Variants in ACYP2 observed in about 807,000 individuals in gnomAD.
The protein encoded by ACYP2 is acylphosphatase 2.
Under a neutral mutation model 11.2 loss-of-function variants are expected in ACYP2, and 12 were observed. The ratio of observed to expected loss-of-function variants is 1.08; its 90% CI spans 0.69 to 1.74. ACYP2 has a LOEUF of 1.74. Among genes scored for constraint, ACYP2 ranks in the 40% most tolerant of loss-of-function variants. ACYP2 has a pLI of 0.00. For missense variants in ACYP2, 134 were observed against 101.9 expected (o/e 1.31, Z -1.35); for synonymous variants, 43 against 32.2 (o/e 1.33, Z -1.13).
intron 2 of ACYP2, among the ~76,000 whole-genome samples, chr2:53,977,650 G>A (rs1347113703): frequency 4.0e-5 from 6 of 150,696 alleles, no homozygotes; most frequent in Admixed American, 4.0e-4. Flanking sequence ...CAGGAGAATC[G>A]CTTGAACCTG....
chr2:54,192,788 T>G (rs1684290339), intron 6 of ACYP2, among the ~76,000 whole-genome samples: 1 of 152,108 alleles, frequency 6.6e-6, no homozygotes, highest in South Asian at 2.1e-4. Context: ...AAACTTACAA[T>G]CATGGTGGAA....
intron 6 of ACYP2, among the ~76,000 whole-genome samples, chr2:54,167,961 C>G (rs1252170663): frequency 2.0e-5 from 3 of 152,194 alleles, no homozygotes; most frequent in Non-Finnish European, 4.4e-5. Context: ...TCATCCTGTT[C>G]TTGGGCCCAG....
intron 6 of ACYP2, among the ~76,000 whole-genome samples, chr2:54,162,306 C>A (rs758787737): frequency 6.6e-5 from 10 of 152,164 alleles, no homozygotes; most frequent in Non-Finnish European, 1.5e-4. Context: ...TATTTTTACC[C>A]CACTGTGTAC....
intron 6 of ACYP2, among the ~76,000 whole-genome samples, chr2:54,139,298 G>A (rs1462625439): frequency 6.6e-6 from 1 of 152,152 alleles, no homozygotes; most frequent in Non-Finnish European, 1.5e-5. Flanking sequence ...CAAAAAGATT[G>A]CCATCTCCTT....
intron 2 of ACYP2, among the ~76,000 whole-genome samples, chr2:53,988,919 T>C (rs1256192229): frequency 6.6e-6 from 1 of 151,692 alleles, no homozygotes; most frequent in Non-Finnish European, 1.5e-5. Flanking sequence ...CCTATTTTTA[T>C]TGCATTTTTA....
At chr2:54,119,703 G>A (rs369200849) in intron 4 of ACYP2, among the ~76,000 whole-genome samples, 3 of 152,228 alleles carry the variant, frequency 2.0e-5, no homozygotes, top group Admixed American at 6.5e-5. Context: ...ATGATGTGTT[G>A]TTAGTATAGG....
intron 2 of ACYP2, among the ~76,000 whole-genome samples, chr2:54,006,656 C>T: frequency 6.6e-6 from 1 of 152,178 alleles, no homozygotes; most frequent in South Asian, 2.1e-4. Flanking sequence ...TTTTCCCAGA[C>T]AGGGTCTTGC....
At chr2:54,174,779 T>C (rs1683367139) in intron 6 of ACYP2, among the ~76,000 whole-genome samples, 1 of 152,228 alleles carries the variant, frequency 6.6e-6, no homozygotes, top group Non-Finnish European at 1.5e-5. Context: ...TCTATTGAGA[T>C]AATCATGTGG....
intron 6 of ACYP2, among the ~76,000 whole-genome samples, chr2:54,265,581 A>C (rs1311502505): frequency 1.3e-5 from 2 of 152,214 alleles, no homozygotes; most frequent in African/African-American, 4.8e-5. Flanking sequence ...GGTGTGGCCT[A>C]TTATGACTTT....
intron 6 of ACYP2, among the ~76,000 whole-genome samples, chr2:54,145,943 C>T (rs561337540): frequency 2.6e-5 from 4 of 152,296 alleles, no homozygotes; most frequent in African/African-American, 4.8e-5. Context: ...TGTTGCTCTT[C>T]GCTGCTTTCC....
chr2:54,254,765 C>G, intron 6 of ACYP2: 1 of 706,824 alleles, frequency 1.4e-6, no homozygotes, highest in Non-Finnish European at 2.3e-6. Context: ...ACCAAGGTCT[C>G]AATCTTCAGG....
chr2:54,053,491 CTG>C (rs1164036248), intron 3 of ACYP2, among the ~76,000 whole-genome samples: 2 of 152,230 alleles, frequency 1.3e-5, no homozygotes, highest in Admixed American at 1.3e-4. Context: ...GACACAGACA[CTG>C]TGTGTTCCAG....
chr2:54,123,315 A>C (rs1484569609), intron 4 of ACYP2: 1 of 398,534 alleles, frequency 2.5e-6, no homozygotes, highest in Non-Finnish European at 4.4e-6. Flanking sequence ...GAGGATCTTC[A>C]CTGCAGTTGT....
intron 2 of ACYP2, among the ~76,000 whole-genome samples, chr2:53,978,749 A>G: frequency 6.6e-6 from 1 of 152,130 alleles, no homozygotes; most frequent in South Asian, 2.1e-4. Context: ...ACATGGCAAA[A>G]CCTTCTACCA....
At chr2:54,217,902 C>T (rs1042034318) in intron 6 of ACYP2, among the ~76,000 whole-genome samples, 1 of 152,136 alleles carries the variant, frequency 6.6e-6, no homozygotes, top group Non-Finnish European at 1.5e-5. Context: ...AAGTATGGCT[C>T]CACATCCAAC....
chr2:54,160,010 G>A (rs1057372076), intron 6 of ACYP2, among the ~76,000 whole-genome samples: 1 of 152,180 alleles, frequency 6.6e-6, no homozygotes, highest in African/African-American at 2.4e-5. Flanking sequence ...TAGCACGGCT[G>A]CTGTGAAAGG....
intron 2 of ACYP2, among the ~76,000 whole-genome samples, chr2:53,982,129 G>A (rs1006968405): frequency 2.6e-5 from 4 of 151,766 alleles, no homozygotes; most frequent in African/African-American, 4.8e-5. Flanking sequence ...CAAAGAGGAC[G>A]TACACTCTTT....
At chr2:54,139,275 G>A (rs1037483511) in intron 6 of ACYP2, among the ~76,000 whole-genome samples, 5 of 152,156 alleles carry the variant, frequency 3.3e-5, no homozygotes, top group Admixed American at 3.3e-4. Flanking sequence ...AGTTCTTAGG[G>A]TAGCGTTCCA....
At position 54,285,566 on chromosome 2, in the gene ACYP2, A is replaced by G. The variant is rs77905050; in HGVS notation, c.405-19122A>G. On this transcript the variant is annotated intron_variant, in intron 6 of 6. Coordinates refer to ENST00000607452, the MANE Select transcript of ACYP2 (RefSeq NM_001320586.2). ...GTCCAAAACAGAACACTCAATTTCC[A>G]CCCTGTGGCTAAGACTGCTAGCTGT... is the stretch of plus-strand genomic sequence containing the variant. 2.7e-3 allele frequency among the ~76,000 whole-genome samples: 417 copies of G among 152,212 alleles called. 4 individuals carry two copies. The highest frequency in any genetic ancestry group is 9.5e-3 in the African/African-American group (396 of 41,524).
Sources: allele counts gnomAD v4.1 joint callset (sites outside exome capture counted in the v4.1 genomes callset), GRCh38; gene constraint gnomAD v4.1.1; transcripts MANE v1.5; gene names NCBI Gene and HGNC (gene_info 2026-07-23, HGNC 2026-07-21).